The following COL11A1 variants were observed in gnomAD, a reference collection of about 807,000 sequenced individuals.
COL11A1 encodes the protein collagen alpha-1(XI) chain.
In COL11A1, 74 loss-of-function variants were observed where a neutral mutation model predicts 265.2. The ratio of observed to expected loss-of-function variants is 0.28; its 90% confidence interval spans 0.23 to 0.34. The LOEUF (loss-of-function observed/expected upper bound fraction) is 0.34. Among genes scored for constraint, COL11A1 ranks in the 10% least tolerant of loss-of-function variants. The probability of loss-of-function intolerance (pLI) is 1.00; values close to 1 mark genes in which losing one functional copy is unlikely to be tolerated. For missense variants in COL11A1, 2,165 were observed against 2,263.6 expected (o/e 0.96, Z 0.88); for synonymous variants, 816 against 727.6 (o/e 1.12, Z -1.96).
At position 103,045,924 on chromosome 1, in the gene COL11A1, T is replaced by C. The variant is rs540662556; in HGVS notation, c.652-14680A>G. Among the ~76,000 whole-genome samples the C allele has an allele frequency of 9.9e-5, 15 of 152,096 alleles. 1 individual carries two copies. Among genetic ancestry groups the C allele is most frequent in the African/African-American group, 3.6e-4 (15 of 41,502 alleles). On this transcript the variant is annotated intron_variant, in intron 4 of 66. Coordinates refer to ENST00000370096, the MANE Select transcript of COL11A1 (RefSeq NM_001854.4). ...GAACGATGGTTTCCAGCTTCATCCA[T>C]GTCCCTACAAAGGACATGAACTCAT...
intron 4 of COL11A1, among the ~76,000 whole-genome samples, chr1:103,065,689 T>G (rs1671084866): frequency 6.6e-6 from 1 of 151,560 alleles, no homozygotes; most frequent in Non-Finnish European, 1.5e-5. Context: ...AAGAAGCAAG[T>G]GATACACTAT....
chr1:103,077,706 A>G (rs549376799), intron 3 of COL11A1, among the ~76,000 whole-genome samples: 4 of 152,224 alleles, frequency 2.6e-5, no homozygotes, highest in Admixed American at 1.3e-4. Context: ...GAGTAAATTT[A>G]ATAAGCATTA....
chr1:102,941,640 A>G (rs1349903478), intron 42 of COL11A1, among the ~76,000 whole-genome samples: 12 of 152,110 alleles, frequency 7.9e-5, no homozygotes, highest in African/African-American at 2.7e-4. Flanking sequence ...GAATGCCCCT[A>G]TGAGAACTCT....
intron 41 of COL11A1, among the ~76,000 whole-genome samples, chr1:102,959,436 G>A (rs1044490035): frequency 2.0e-5 from 3 of 151,616 alleles, no homozygotes; most frequent in Non-Finnish European, 4.4e-5. Flanking sequence ...TCTGCACTCT[G>A]TGAAGCCAAG....
At chr1:103,082,353 C>T (rs1953673) in intron 2 of COL11A1, among the ~76,000 whole-genome samples, 20,875 of 151,818 alleles carry the variant, frequency 0.14, 1,589 homozygotes, top group Non-Finnish European at 0.16. Flanking sequence ...GTTAGGAAAA[C>T]ATGCACTAAG....
At chr1:102,918,370 G>A (rs1289979089) in intron 49 of COL11A1, among the ~76,000 whole-genome samples, 2 of 151,784 alleles carry the variant, frequency 1.3e-5, no homozygotes, top group East Asian at 3.9e-4. Context: ...GTTATTTATA[G>A]CAATTTTACA....
intron 46 of COL11A1, among the ~76,000 whole-genome samples, chr1:102,926,923 A>C (rs1656659413): frequency 6.6e-6 from 1 of 152,310 alleles, no homozygotes; most frequent in Admixed American, 6.5e-5. Flanking sequence ...TAACCTAAAC[A>C]TGACAAATAT....
chr1:102,883,587 A>G (rs973669803), intron 63 of COL11A1, among the ~76,000 whole-genome samples: 3 of 152,170 alleles, frequency 2.0e-5, no homozygotes, highest in Non-Finnish European at 4.4e-5. Context: ...CAACTTAAAT[A>G]TCATCTCCTC....
Position 102,916,505 on chromosome 1 carries a change from C to T in COL11A1, c.3763-821G>A, listed in dbSNP as rs117233300. Reference sequence around the variant, plus strand: ...CAGCAATTGTGAGGTGGAAATTGTTCTTTTAAATTGAAAAAGAAGTGAGGC... The same window carrying T: ...CAGCAATTGTGAGGTGGAAATTGTTTTTTTAAATTGAAAAAGAAGTGAGGC... On this transcript the variant is annotated intron_variant, in intron 49 of 66. Transcript: ENST00000370096. Among the ~76,000 whole-genome samples the T allele has an allele frequency of 9.2e-5, 14 of 152,092 alleles. No individual in the cohort carries two copies. In the East Asian group the frequency reaches 2.7e-3, roughly 29 times the overall value.
intron 4 of COL11A1, among the ~76,000 whole-genome samples, chr1:103,039,034 TA>T (rs968743844): frequency 6.6e-6 from 1 of 151,988 alleles, no homozygotes; most frequent in Non-Finnish European, 1.5e-5. Flanking sequence ...AGAACTACAA[TA>T]AAAGGAAAAA....
chr1:103,052,895 A>G (rs920175047), intron 4 of COL11A1, among the ~76,000 whole-genome samples: 1 of 152,238 alleles, frequency 6.6e-6, no homozygotes, highest in African/African-American at 2.4e-5. Context: ...GAAGCTGTAC[A>G]TTAATAGGTA....
intron 54 of COL11A1, among the ~76,000 whole-genome samples, chr1:102,904,348 G>T (rs530382445): frequency 9.6e-4 from 146 of 152,122 alleles, no homozygotes; most frequent in African/African-American, 3.3e-3. Flanking sequence ...CAAAAGCAAT[G>T]GCAACAAAAG....
chr1:103,105,457 A>G (rs1004864715), intron 1 of COL11A1, among the ~76,000 whole-genome samples: 3 of 152,108 alleles, frequency 2.0e-5, no homozygotes, highest in African/African-American at 7.2e-5. Flanking sequence ...TGAAGTCATA[A>G]ATTTTCTTTA....
chr1:102,975,533 C>A (rs1662387176), intron 35 of COL11A1, among the ~76,000 whole-genome samples: 1 of 151,914 alleles, frequency 6.6e-6, no homozygotes, highest in Non-Finnish European at 1.5e-5. Flanking sequence ...ATTATAATAT[C>A]ATTCTTGGCT....
At chr1:103,089,228 T>C (rs1571256099) in intron 1 of COL11A1, among the ~76,000 whole-genome samples, 1 of 152,320 alleles carries the variant, frequency 6.6e-6, no homozygotes, top group East Asian at 1.9e-4. Context: ...CAGATGAGTT[T>C]AATGTGCAGC....
rs550402169 is a variant in COL11A1, at chr1:102,967,389, C to T, written c.2863-1849G>A. 3.9e-4 allele frequency among the ~76,000 whole-genome samples: 59 copies of T among 151,588 alleles called. No homozygotes were observed. The South Asian group carries it at 8.6e-3, about 22-fold the overall frequency. Reference sequence around the variant, plus strand: ...CAGAGTAGCTGGGACTACAGGCACCCGCCACCAAGCCCGGCTAATTTTTTG... The same window carrying T: ...CAGAGTAGCTGGGACTACAGGCACCTGCCACCAAGCCCGGCTAATTTTTTG... On this transcript the variant is annotated intron_variant, in intron 37 of 66. Coordinates refer to ENST00000370096, the MANE Select transcript of COL11A1 (RefSeq NM_001854.4).
chr1:103,009,741 T>C (rs776573624), intron 14 of COL11A1, among the ~76,000 whole-genome samples: 38 of 152,148 alleles, frequency 2.5e-4, no homozygotes, highest in Non-Finnish European at 4.4e-4. Flanking sequence ...CAATTTATAG[T>C]CTCCTGGTGA....
At chr1:102,998,141 T>C (rs1044100554) in intron 25 of COL11A1, among the ~76,000 whole-genome samples, 169 bp downstream of exon 25, 3 of 151,962 alleles carry the variant, frequency 2.0e-5, no homozygotes, top group African/African-American at 7.2e-5. Context: ...TTAAAGATTT[T>C]GCAATATGGA....
chr1:102,989,651 G>A (rs1014597406), intron 28 of COL11A1, 80 bp from the exon 29 acceptor site: 2 of 1,009,618 alleles, frequency 2.0e-6, no homozygotes, highest in Admixed American at 1.9e-5. Context: ...AAAAATTTAT[G>A]TGCTGATAAC....
Sources: gnomAD v4.1 joint callset for allele counts (sites outside exome capture counted in the v4.1 genomes callset) on GRCh38, gnomAD v4.1.1 for gene constraint, MANE v1.5 for transcripts, NCBI Gene and HGNC (gene_info 2026-07-23, HGNC 2026-07-21) for gene names.